The following PCDH15 variants were observed in gnomAD, a reference collection of about 807,000 sequenced individuals.
The protein encoded by PCDH15 is protocadherin-15.
A neutral mutation model predicts 178.5 loss-of-function variants in PCDH15; 129 were observed. The ratio of observed to expected loss-of-function variants is 0.72; its 90% CI spans 0.63 to 0.84. PCDH15 has a LOEUF of 0.84. Ranked by LOEUF, PCDH15 falls within the 40% of genes least tolerant of loss-of-function variation. The probability of loss-of-function intolerance (pLI) is 0.00; values close to 1 mark genes in which losing one functional copy is unlikely to be tolerated. For synonymous variants in PCDH15, 800 were observed against 732.0 expected (o/e 1.09, Z -1.50); for missense variants, 2,230 against 2,099.9 (o/e 1.06, Z -1.21).
At chr10:54,175,616 T>C (rs1284699607) in intron 13 of PCDH15, among the ~76,000 whole-genome samples, 8 of 152,078 alleles carry the variant, frequency 5.3e-5, no homozygotes, top group African/African-American at 9.7e-5. Flanking sequence ...ATTTTAAAGA[T>C]TGGAAAACTG....
intron 9 of PCDH15, among the ~76,000 whole-genome samples, chr10:54,216,963 TA>T (rs1331574718): frequency 3.3e-5 from 5 of 151,624 alleles, no homozygotes; most frequent in African/African-American, 7.3e-5. Flanking sequence ...CTATATTAAG[TA>T]AAAAAAAGCA....
Position 54,213,980 on chromosome 10 carries a change from G to C in PCDH15, c.1054C>G (p.Pro352Ala). 6.2e-7 allele frequency: 1 copy of C among 1,611,526 alleles called. No individual in the cohort carries two copies. The highest frequency in any genetic ancestry group is 1.1e-5 in the South Asian group (1 of 91,028). The change falls in exon 10 of 38, where the codon CCA becomes GCA. Residue 352 changes from proline to alanine, a missense_variant. Coordinates refer to ENST00000644397, the MANE Select transcript of PCDH15 (RefSeq NM_001384140.1). ...PRTAELSLLE[P>A]VNRDFHQKFD... is the part of the protein sequence containing the mutation. ...TTCTGGTGAAAGTCTCTGTTTACTG[G>C]CTCCAGGAGACTAAGTTCTGCTGTC... is the stretch of plus-strand genomic sequence containing the variant.
chr10:55,574,804 G>C (rs1250863755), intron 2 of PCDH15, among the ~76,000 whole-genome samples: 1 of 151,918 alleles, frequency 6.6e-6, no homozygotes, highest in African/African-American at 2.4e-5. Flanking sequence ...TATGAGGGTG[G>C]ATATTATACT....
At chr10:55,612,931 T>C (rs1242588669) in intron 2 of PCDH15, among the ~76,000 whole-genome samples, 3 of 151,936 alleles carry the variant, frequency 2.0e-5, no homozygotes, top group Admixed American at 6.6e-5. Flanking sequence ...AAATAAGCTA[T>C]GGTATGATAT....
intron 2 of PCDH15, among the ~76,000 whole-genome samples, chr10:55,444,877 C>T (rs73261610): frequency 1.8e-3 from 279 of 152,172 alleles, no homozygotes; most frequent in African/African-American, 5.6e-3. Context: ...TTCAGAACTA[C>T]GCTAAATGAC....
intron 2 of PCDH15, among the ~76,000 whole-genome samples, chr10:55,339,039 A>T (rs1844479438): frequency 6.6e-6 from 1 of 152,168 alleles, no homozygotes; most frequent in African/African-American, 2.4e-5. Context: ...GTACAAAAAC[A>T]CAGTTAGATA....
intron 2 of PCDH15, among the ~76,000 whole-genome samples, chr10:54,997,902 A>G (rs896603045): frequency 4.1e-4 from 63 of 152,264 alleles, no homozygotes; most frequent in African/African-American, 1.5e-3. Flanking sequence ...TGTCTGGGTC[A>G]TTTCCAATTA....
At chr10:55,362,892 G>A (rs1021517845) in intron 2 of PCDH15, among the ~76,000 whole-genome samples, 1 of 151,896 alleles carries the variant, frequency 6.6e-6, no homozygotes, top group Admixed American at 6.6e-5. Context: ...GGCATCCCTG[G>A]GCCACACTGG....
rs1173454350 is a variant in PCDH15 at position 54,226,694 on chromosome 10, T to A, written c.985+10129A>T. On this transcript the variant is annotated intron_variant, in intron 9 of 37. Transcript: ENST00000644397. ...ACTCAAAAGTCCACAGTCCAAAGTC[T>A]CACCAGAGACAAGGCAAGTTCCTTC... Among the ~76,000 whole-genome samples, 6 of 152,116 alleles carry A rather than the reference T, an allele frequency of 3.9e-5. No individual in the cohort carries two copies. The East Asian group carries it at 1.2e-3, about 29-fold the overall frequency.
chr10:54,668,798 G>A (rs1245168925), intron 1 of PCDH15, among the ~76,000 whole-genome samples: 2 of 152,220 alleles, frequency 1.3e-5, no homozygotes, highest in South Asian at 2.1e-4. Flanking sequence ...GGAACACACC[G>A]TCATTACTTT....
At chr10:55,474,467 T>C (rs375055624) in intron 2 of PCDH15, among the ~76,000 whole-genome samples, 2 of 152,202 alleles carry the variant, frequency 1.3e-5, no homozygotes, top group African/African-American at 2.4e-5. Flanking sequence ...CTTCTAAAGT[T>C]TTTAGATGAG....
chr10:54,422,816 AG>A (rs1347927569), intron 3 of PCDH15, among the ~76,000 whole-genome samples: 2 of 152,198 alleles, frequency 1.3e-5, no homozygotes, highest in African/African-American at 4.8e-5. Flanking sequence ...TTAGGGCAGC[AG>A]AGAACTCCAG....
intron 1 of PCDH15, among the ~76,000 whole-genome samples, chr10:54,703,835 C>T (rs920046850): frequency 1.3e-5 from 2 of 152,016 alleles, no homozygotes; most frequent in African/African-American, 2.4e-5. Context: ...GGAGGCATCA[C>T]ATTACCTAAC....
intron 2 of PCDH15, among the ~76,000 whole-genome samples, chr10:55,518,399 G>A (rs1841072113): frequency 6.6e-6 from 1 of 152,016 alleles, no homozygotes; most frequent in South Asian, 2.1e-4. Context: ...TGTCATCTCA[G>A]ACAAACACCG....
chr10:55,570,849 C>T (rs1842395049), intron 2 of PCDH15, among the ~76,000 whole-genome samples: 1 of 152,012 alleles, frequency 6.6e-6, no homozygotes, highest in African/African-American at 2.4e-5. Flanking sequence ...TACACTATTT[C>T]TTCTTTCAAG....
At chr10:54,828,256 C>A (rs765434916) in intron 3 of PCDH15, among the ~76,000 whole-genome samples, 3 of 151,954 alleles carry the variant, frequency 2.0e-5, no homozygotes, top group Admixed American at 6.6e-5. Flanking sequence ...AGATAACATT[C>A]TAGAGTTGAA....
At chr10:54,626,767 C>T (rs1464566062) in intron 2 of PCDH15, among the ~76,000 whole-genome samples, 1 of 152,110 alleles carries the variant, frequency 6.6e-6, no homozygotes. Context: ...GAGAAAAGGG[C>T]CACTGTCCTC....
At chr10:54,123,268 G>T (rs540525433) in intron 15 of PCDH15, among the ~76,000 whole-genome samples, 4 of 151,888 alleles carry the variant, frequency 2.6e-5, no homozygotes, top group African/African-American at 9.7e-5. Context: ...CCCAAAATAC[G>T]CATCCAACAA....
chr10:54,672,977 T>C (rs983626718), intron 1 of PCDH15, among the ~76,000 whole-genome samples: 1 of 152,172 alleles, frequency 6.6e-6, no homozygotes, highest in Non-Finnish European at 1.5e-5. Flanking sequence ...TTCACATGTT[T>C]AATGACATAG....
Sources: allele counts gnomAD v4.1 joint callset (sites outside exome capture counted in the v4.1 genomes callset), GRCh38; gene constraint gnomAD v4.1.1; transcripts MANE v1.5; gene names NCBI Gene and HGNC (gene_info 2026-07-23, HGNC 2026-07-21).